The following MYO10 variants were observed in gnomAD, a reference collection of about 807,000 sequenced individuals.
MYO10 encodes myosin X, also known as unconventional myosin-X.
In MYO10, 133 loss-of-function variants were observed where a neutral mutation model predicts 257.3. That is an observed-to-expected ratio of 0.52 (90% confidence interval 0.45 to 0.60). The LOEUF (loss-of-function observed/expected upper bound fraction) is 0.60. MYO10 is among the 20% of genes least tolerant of loss of function. MYO10 has a pLI of 0.00. For synonymous variants in MYO10, 1,104 were observed against 1,028.6 expected (o/e 1.07, Z -1.40); for missense variants, 2,399 against 2,635.7 (o/e 0.91, Z 1.97).
chr5:16,802,555 G>A (rs1472940712), intron 3 of MYO10, among the ~76,000 whole-genome samples: 1 of 151,162 alleles, frequency 6.6e-6, no homozygotes, highest in East Asian at 2.0e-4. Context: ...TACTCAGGAG[G>A]CTGAGGCAGG....
At chr5:16,841,791 G>A (rs76452754) in intron 2 of MYO10, among the ~76,000 whole-genome samples, 1 of 152,134 alleles carries the variant, frequency 6.6e-6, no homozygotes, top group Non-Finnish European at 1.5e-5. Context: ...TGGCTTTTTT[G>A]TAAGTGCGTC....
chr5:16,899,628 CAAAAAA>C (rs370278252), intron 1 of MYO10, among the ~76,000 whole-genome samples: 147 of 123,380 alleles, frequency 1.2e-3, no homozygotes, highest in African/African-American at 4.0e-3. Context: ...AACTCAGTTT[CAAAAAA>C]AAAAAAAACA....
intron 2 of MYO10, among the ~76,000 whole-genome samples, chr5:16,848,253 G>T (rs369104403): frequency 6.8e-6 from 1 of 147,566 alleles, no homozygotes; most frequent in Non-Finnish European, 1.5e-5. Flanking sequence ...CCACCTCCTG[G>T]GTTCAAGCAA....
intron 14 of MYO10, 64 bp from the exon 15 acceptor site, chr5:16,762,701 T>G: frequency 8.0e-7 from 1 of 1,247,666 alleles, no homozygotes; most frequent in Non-Finnish European, 1.1e-6. Context: ...GGGTAGCTCA[T>G]GCCTGTAATT....
intron 19 of MYO10, among the ~76,000 whole-genome samples, chr5:16,732,478 A>C (rs1739624075): frequency 6.6e-6 from 1 of 152,150 alleles, no homozygotes; most frequent in African/African-American, 2.4e-5. Context: ...TTCTATTTCT[A>C]CTTCTCTGTC....
At chr5:16,935,622 C>T (rs1053125968) in intron 1 of MYO10, among the ~76,000 whole-genome samples, 166 bp downstream of exon 1, 1 of 152,100 alleles carries the variant, frequency 6.6e-6, no homozygotes, top group Non-Finnish European at 1.5e-5. Context: ...CCTGCCCGGG[C>T]TTACTCATCA....
intron 17 of MYO10, among the ~76,000 whole-genome samples, 177 bp from the exon 18 acceptor site, chr5:16,758,403 C>T (rs1182120214): frequency 1.3e-5 from 2 of 152,188 alleles, no homozygotes; most frequent in Non-Finnish European, 2.9e-5. Flanking sequence ...GAGCTTTAGG[C>T]ACTGAAAACA....
intron 36 of MYO10, among the ~76,000 whole-genome samples, chr5:16,673,191 G>A (rs552584176): frequency 7.7e-6 from 1 of 129,772 alleles, no homozygotes; most frequent in Admixed American, 8.0e-5. Flanking sequence ...TCCAGATGAC[G>A]TTTTTTTTTT....
At chr5:16,700,045 TA>T in intron 25 of MYO10, among the ~76,000 whole-genome samples, 1 of 152,300 alleles carries the variant, frequency 6.6e-6, no homozygotes, top group Non-Finnish European at 1.5e-5. Flanking sequence ...ATTACTATAT[TA>T]AATATATTTT....
intron 1 of MYO10, among the ~76,000 whole-genome samples, chr5:16,893,576 G>C (rs1312535262): frequency 2.0e-5 from 3 of 149,284 alleles, no homozygotes; most frequent in Non-Finnish European, 1.5e-5. Flanking sequence ...AGAGGTTGCG[G>C]TGAGCTGAGA....
intron 3 of MYO10, among the ~76,000 whole-genome samples, chr5:16,816,867 C>T (rs1184235403): frequency 1.6e-4 from 20 of 123,154 alleles, no homozygotes; most frequent in Middle Eastern, 7.5e-3. Context: ...TCACCCAGGC[C>T]GGAGTGCAGT....
intron 4 of MYO10, among the ~76,000 whole-genome samples, chr5:16,791,227 G>GC (rs1294441815): frequency 2.6e-5 from 4 of 152,094 alleles, no homozygotes; most frequent in African/African-American, 7.2e-5. Context: ...CCAGCAGGGG[G>GC]CAGATCATGC....
At position 16,762,140 on chromosome 5, in the gene MYO10, A is replaced by T. The variant is rs1024744715; in HGVS notation, c.1588-27T>A. 3.4e-5 allele frequency: 50 copies of T among 1,472,420 alleles called. No homozygotes were observed. In the African/African-American group the frequency reaches 4.9e-4, roughly 14 times the overall value. The allele number at this position is 1,472,420 out of a possible 1,614,324, so 91.2% of individuals were successfully genotyped here. ...TAAAAAAAAAAAAAAAAAAAAAAAA[A>T]AAAATACAATGCCTTATTTCACTCA... On this transcript the variant is annotated intron_variant, in intron 15 of 40. Coordinates refer to ENST00000513610, the MANE Select transcript of MYO10 (RefSeq NM_012334.3).
At position 16,834,250 on chromosome 5, in the gene MYO10, T is replaced by C. The variant is rs148784124; in HGVS notation, c.121-16083A>G. 2.9e-3 allele frequency among the ~76,000 whole-genome samples: 434 copies of C among 152,248 alleles called. 5 individuals carry two copies. The highest frequency in any genetic ancestry group is 9.2e-3 in the African/African-American group (381 of 41,546). ...AACCTCTCAGGTCACTTACATTCTA[T>C]TGTAACCTCGGTTTTCTTACCCCTG... On this transcript the variant is annotated intron_variant, in intron 2 of 40. Transcript: ENST00000513610.
At chr5:16,860,003 C>T (rs73062924) in intron 2 of MYO10, among the ~76,000 whole-genome samples, 15,730 of 152,152 alleles carry the variant, frequency 0.1, 1,418 homozygotes, top group African/African-American at 0.24. Flanking sequence ...CCTTGATGGC[C>T]ACCATGTATG....
chr5:16,734,303 G>T (rs985208440), intron 19 of MYO10, among the ~76,000 whole-genome samples: 1 of 152,096 alleles, frequency 6.6e-6, no homozygotes, highest in African/African-American at 2.4e-5. Context: ...ACAGCTTTCA[G>T]GGTTCTGATC....
intron 19 of MYO10, among the ~76,000 whole-genome samples, chr5:16,717,130 C>T (rs564063297): frequency 1.6e-4 from 24 of 152,284 alleles, no homozygotes; most frequent in Admixed American, 1.2e-3. Flanking sequence ...GGCCACCACG[C>T]GCGGCCTTAA....
At chr5:16,813,787 G>A (rs1560998091) in intron 3 of MYO10, among the ~76,000 whole-genome samples, 1 of 152,118 alleles carries the variant, frequency 6.6e-6, no homozygotes, top group Non-Finnish European at 1.5e-5. Flanking sequence ...AGCCTTTCTT[G>A]GCTGCAGTCA....
At chr5:16,855,656 T>G (rs969868197) in intron 2 of MYO10, among the ~76,000 whole-genome samples, 7 of 152,164 alleles carry the variant, frequency 4.6e-5, no homozygotes, top group African/African-American at 1.7e-4. Context: ...CTCTTTTGAG[T>G]CCTTTGTTAC....
Sources: allele counts gnomAD v4.1 joint callset (sites outside exome capture counted in the v4.1 genomes callset), GRCh38; gene constraint gnomAD v4.1.1; transcripts MANE v1.5; gene names NCBI Gene and HGNC (gene_info 2026-07-23, HGNC 2026-07-21).